Variants in ABLIM2 observed in about 807,000 individuals in gnomAD.
ABLIM2 encodes actin-binding LIM protein 2.
In ABLIM2, 53 loss-of-function variants were observed where a neutral mutation model predicts 97.7. The ratio of observed to expected loss-of-function variants is 0.54; its 90% CI spans 0.44 to 0.68. ABLIM2 has a LOEUF of 0.68. ABLIM2 is among the 30% of genes least tolerant of loss of function. ABLIM2 has a pLI of 0.00. For missense variants in ABLIM2, 835 were observed against 867.2 expected, an observed-to-expected ratio of 0.96 and a Z score of 0.47; for synonymous variants, 361 against 345.8, an observed-to-expected ratio of 1.04 and a Z score of -0.49.
intron 11 of ABLIM2, among the ~76,000 whole-genome samples, chr4:8,029,429 C>T (rs1015026942): frequency 4.6e-5 from 7 of 152,192 alleles, no homozygotes; most frequent in African/African-American, 1.4e-4. Context: ...GCAGGGCAGC[C>T]TCTGCAGCTC....
intron 7 of ABLIM2, among the ~76,000 whole-genome samples, chr4:8,060,693 T>C (rs1411677580): frequency 6.6e-6 from 1 of 152,226 alleles, no homozygotes; most frequent in Non-Finnish European, 1.5e-5. Context: ...TGGAGCCAAA[T>C]AGCCAGCACT....
intron 4 of ABLIM2, among the ~76,000 whole-genome samples, chr4:8,081,476 G>A (rs1300905402): frequency 6.6e-6 from 1 of 152,212 alleles, no homozygotes; most frequent in African/African-American, 2.4e-5. Context: ...TCCACCCTAT[G>A]AGCCACCATA....
intron 1 of ABLIM2, among the ~76,000 whole-genome samples, chr4:8,134,406 G>A (rs931519330): frequency 1.8e-4 from 27 of 152,158 alleles, no homozygotes; most frequent in Non-Finnish European, 3.2e-4. Context: ...AAACTGGGCC[G>A]TCTCCTGCTG....
chr4:8,141,878 C>T (rs1427746322), intron 1 of ABLIM2, among the ~76,000 whole-genome samples: 1 of 152,232 alleles, frequency 6.6e-6, no homozygotes, highest in East Asian at 1.9e-4. Flanking sequence ...TCCGCCTGCA[C>T]TTTGAGTAGA....
chr4:8,133,462 G>C (rs1283606712), intron 1 of ABLIM2, among the ~76,000 whole-genome samples: 1 of 152,184 alleles, frequency 6.6e-6, no homozygotes, highest in East Asian at 1.9e-4. Flanking sequence ...TCCTGGTAGA[G>C]ACGGGAGGTC....
rs191262276 is a variant in ABLIM2 at position 8,054,646 on chromosome 4, G to A, written c.764-400C>T. On this transcript the variant is annotated intron_variant, in intron 7 of 20. Transcript: ENST00000447017. This position sits in a 1 kb window ranked among gnomAD's most constrained non-coding sequence, Gnocchi z 4.9. ...AGGATTGGCTGCCTGCATGTTGAGG[G>A]CAATGGCTGGGCCCACCTGCAGAGA... Among the ~76,000 whole-genome samples, 6 of 152,354 alleles carry A rather than the reference G, an allele frequency of 3.9e-5. No individual in the cohort carries two copies. The highest frequency in any genetic ancestry group is 5.9e-5 in the Non-Finnish European group (4 of 68,030).
chr4:8,018,907 G>A (rs1214194004), intron 14 of ABLIM2, among the ~76,000 whole-genome samples: 1 of 152,218 alleles, frequency 6.6e-6, no homozygotes, highest in African/African-American at 2.4e-5. Flanking sequence ...GCGGGGTGGA[G>A]GGGATCGGTC....
rs902222218 is a variant in ABLIM2, at chr4:8,009,062, C to A, written c.1464G>T (p.Gln488His). ...TCCCTGGCATTACCTTCCTGTTATC[C>A]TGGTCCAAGCTTCCATCCTCCCCAT... Reference protein sequence around the residue: ...RSDGEDGSLDQDNRKQKSSWL... With the variant: ...RSDGEDGSLDHDNRKQKSSWL... Residue 488 changes from glutamine (Q) to histidine (H), a missense_variant, in exon 15 of 21, where the codon CAG becomes CAT. Physicochemically the swap from Gln to His is conservative, Grantham distance 24. Coordinates refer to ENST00000447017, the MANE Select transcript of ABLIM2 (RefSeq NM_001130083.2). The A allele has an allele frequency of 6.2e-7, 1 of 1,614,016 alleles. No homozygotes were observed. Among genetic ancestry groups the A allele is most frequent in the Admixed American group, 1.7e-5 (1 of 60,020 alleles).
rs1213156109 is a variant in ABLIM2 at position 8,127,243 on chromosome 4, A to G, written c.11-20606T>C. ...GTCCAGACGCAGCTCCGATACCAGC[A>G]CCGTGTGAGGTTGGATCAGACTCTT... On this transcript the variant is annotated intron_variant, in intron 1 of 20. Coordinates refer to ENST00000447017, the MANE Select transcript of ABLIM2 (RefSeq NM_001130083.2). The surrounding 1 kb of genome is among the most constrained non-coding windows in gnomAD (Gnocchi z 7.3). 6.6e-6 allele frequency among the ~76,000 whole-genome samples: 1 copy of G among 152,136 alleles called. No homozygotes were observed. Among genetic ancestry groups the G allele is most frequent in the Non-Finnish European group, 1.5e-5 (1 of 68,018 alleles).
chr4:7,995,435 G>A (rs185063654), intron 16 of ABLIM2, among the ~76,000 whole-genome samples: 192 of 152,350 alleles, frequency 1.3e-3, no homozygotes, highest in Middle Eastern at 3.4e-3. Context: ...CAGGGGCAAG[G>A]CAGGTTCTGT....
In ABLIM2 at chr4:8,021,058, G is replaced by A. The variant is rs548712238; in HGVS notation, c.1268-755C>T. ...TTTTGTAAAGATGGGGTTTTGCCAC[G>A]TTGCCCTGGCTGGTCTTGAACTCCT... On this transcript the variant is annotated intron_variant, in intron 12 of 20. Transcript: ENST00000447017. This position sits in a 1 kb window ranked among gnomAD's most constrained non-coding sequence, Gnocchi z 5.5. Among the ~76,000 whole-genome samples the A allele has an allele frequency of 2.6e-5, 4 of 151,650 alleles. No homozygotes were observed. The highest frequency in any genetic ancestry group is 2.1e-4 in the South Asian group (1 of 4,796).
intron 14 of ABLIM2, among the ~76,000 whole-genome samples, chr4:8,011,458 G>C (rs756182202): frequency 1.3e-5 from 2 of 152,224 alleles, no homozygotes; most frequent in Non-Finnish European, 2.9e-5. Flanking sequence ...TTGGTGGCTT[G>C]CTTCCATAAC....
chr4:8,048,093 G>A (rs937713774), intron 8 of ABLIM2, among the ~76,000 whole-genome samples: 5 of 152,206 alleles, frequency 3.3e-5, no homozygotes, highest in Non-Finnish European at 5.9e-5. Context: ...TGTTTGAGGG[G>A]GTCTAGGCGG....
Position 8,085,594 on chromosome 4 carries a change from A to AAG in ABLIM2, c.454+2574_454+2575insCT. 7.8e-6 allele frequency among the ~76,000 whole-genome samples: 1 copy of AAG among 127,396 alleles called. No individual in the cohort carries two copies. Among genetic ancestry groups the AAG allele is most frequent in the African/African-American group, 3.1e-5 (1 of 32,070 alleles). The allele number at this position is 127,396 out of a possible 152,430, so 83.6% of individuals were successfully genotyped here. A position where few individuals can be genotyped will look rare whatever the true frequency, so the allele number is the denominator to read the frequency against. ...GCCCACGCTGCAGCCCCGTCCACTCACGCGGGTCTGGGGGGTGCCCACGCT... is the reference window on the plus strand; with the variant it reads ...GCCCACGCTGCAGCCCCGTCCACTCAAGCGCGGGTCTGGGGGGTGCCCACGCT... On this transcript the variant is annotated intron_variant, in intron 4 of 20. Coordinates refer to ENST00000447017, the MANE Select transcript of ABLIM2 (RefSeq NM_001130083.2). The surrounding 1 kb of genome is among the most constrained non-coding windows in gnomAD (Gnocchi z 6.1).
At chr4:7,988,926 G>A (rs1746492163) in intron 17 of ABLIM2, among the ~76,000 whole-genome samples, 2 of 152,060 alleles carry the variant, frequency 1.3e-5, no homozygotes, top group South Asian at 4.2e-4. Flanking sequence ...GTAGTCACAT[G>A]CATAAACATT....
chr4:8,017,299 TTA>T (rs1491145178), intron 14 of ABLIM2, among the ~76,000 whole-genome samples: 1,767 of 147,154 alleles, frequency 0.012, 44 homozygotes, highest in African/African-American at 0.043. Context: ...ATTATTATTA[TTA>T]TTTTTTTTTT....
rs145397150 is a variant in ABLIM2 at position 7,970,523 on chromosome 4, G to C, written c.1825-3420C>G. On this transcript the variant is annotated intron_variant, in intron 20 of 20. Coordinates refer to ENST00000447017, the MANE Select transcript of ABLIM2 (RefSeq NM_001130083.2). The surrounding 1 kb of genome is among the most constrained non-coding windows in gnomAD (Gnocchi z 5.3). ...AGGCGTGCCCCGCATGCTGGGGAAG[G>C]AGAGAAGGGCAGGCTTGAGGATGAC... 3.3e-4 allele frequency among the ~76,000 whole-genome samples: 50 copies of C among 152,016 alleles called. No individual in the cohort carries two copies. The Middle Eastern group carries it at 0.01, about 31-fold the overall frequency.
intron 20 of ABLIM2, among the ~76,000 whole-genome samples, chr4:7,976,035 C>G (rs151091878): frequency 2.8e-4 from 43 of 152,310 alleles, no homozygotes; most frequent in South Asian, 1.7e-3. Context: ...ACGCCTTAGA[C>G]CACCCACTTC....
rs1821120824 is a variant in ABLIM2 at position 8,083,295 on chromosome 4, C to T, written c.455-2493G>A. On this transcript the variant is annotated intron_variant, in intron 4 of 20. Transcript: ENST00000447017. The surrounding 1 kb of genome is among the most constrained non-coding windows in gnomAD (Gnocchi z 4.6). ...GAAGTCACTTCACCTCTCTGTGCCC[C>T]TGGAATGAGGGCACGTGTGATCCGT... Among the ~76,000 whole-genome samples the T allele has an allele frequency of 6.6e-6, 1 of 152,212 alleles. No homozygotes were observed.
Sources: allele counts gnomAD v4.1 joint callset (sites outside exome capture counted in the v4.1 genomes callset), GRCh38; gene constraint gnomAD v4.1.1; non-coding constraint Gnocchi (gnomAD v3.1); transcripts MANE v1.5; gene names NCBI Gene and HGNC (gene_info 2026-07-23, HGNC 2026-07-21).